The following CACNA2D3 variants were observed in gnomAD, a reference collection of about 807,000 sequenced individuals.
CACNA2D3 encodes calcium voltage-gated channel auxiliary subunit alpha2delta 3.
Under a neutral mutation model 160.6 loss-of-function variants are expected in CACNA2D3, and 60 were observed. The observed-to-expected ratio is 0.37, with a 90% confidence interval of 0.30 to 0.46. The LOEUF (loss-of-function observed/expected upper bound fraction) is 0.46. CACNA2D3 is among the 20% of genes least tolerant of loss of function. The pLI is 1.00. For synonymous variants in CACNA2D3, 558 were observed against 492.9 expected (o/e 1.13, Z -1.75); for missense variants, 1,205 against 1,365.0 (o/e 0.88, Z 1.85).
At chr3:54,796,266 C>G (rs1328449732) in intron 13 of CACNA2D3, among the ~76,000 whole-genome samples, 2 of 152,186 alleles carry the variant, frequency 1.3e-5, no homozygotes, top group African/African-American at 4.8e-5. Context: ...GAGTCAGTCT[C>G]AGTGTCCTCA....
chr3:54,293,721 T>G (rs999547631), intron 2 of CACNA2D3, among the ~76,000 whole-genome samples: 1 of 152,166 alleles, frequency 6.6e-6, no homozygotes, highest in Non-Finnish European at 1.5e-5. Context: ...TTTATTTTTA[T>G]TTATATGACA....
intron 21 of CACNA2D3, among the ~76,000 whole-genome samples, chr3:54,881,424 C>A (rs1699793130): frequency 6.6e-6 from 1 of 152,126 alleles, no homozygotes; most frequent in African/African-American, 2.4e-5. Context: ...CTTGAAGTTC[C>A]CAGACCCTCT....
intron 2 of CACNA2D3, among the ~76,000 whole-genome samples, chr3:54,153,084 A>G (rs942573017): frequency 2.0e-5 from 3 of 152,280 alleles, no homozygotes; most frequent in East Asian, 1.9e-4. Context: ...ATTCTTCTAT[A>G]TTGAGGACCC....
chr3:54,308,912 A>G (rs936974725), intron 2 of CACNA2D3, among the ~76,000 whole-genome samples: 2 of 152,224 alleles, frequency 1.3e-5, no homozygotes, highest in Non-Finnish European at 2.9e-5. Flanking sequence ...GCAGAAAGCA[A>G]TCTATATGAA....
At chr3:54,934,560 G>A (rs1489532241) in intron 27 of CACNA2D3, among the ~76,000 whole-genome samples, 1 of 152,162 alleles carries the variant, frequency 6.6e-6, no homozygotes, top group Non-Finnish European at 1.5e-5. Flanking sequence ...GGTTTGAAAT[G>A]TATGCCTCCA....
At chr3:54,687,546 A>G (rs1325651562) in intron 11 of CACNA2D3, among the ~76,000 whole-genome samples, 1 of 152,138 alleles carries the variant, frequency 6.6e-6, no homozygotes, top group African/African-American at 2.4e-5. Flanking sequence ...TGATCTTCTG[A>G]AAGCTAGGTG....
rs561033219 is a variant in CACNA2D3, at chr3:54,880,873, T to G, written c.1912+10T>G. 1.9e-6 allele frequency: 3 copies of G among 1,612,204 alleles called. No individual in the cohort carries two copies. In the East Asian group the frequency reaches 6.7e-5, roughly 36 times the overall value. On this transcript the variant is annotated intron_variant, in intron 21 of 37. Coordinates refer to ENST00000474759, the MANE Select transcript of CACNA2D3 (RefSeq NM_018398.3). ...GTAACCATCGAAGAAGGTAAGATACTGCCTGGCTCGTCTTATCCTTTGGTG... is the reference window on the plus strand; with the variant it reads ...GTAACCATCGAAGAAGGTAAGATACGGCCTGGCTCGTCTTATCCTTTGGTG...
chr3:54,618,129 A>G (rs28627992), intron 9 of CACNA2D3, among the ~76,000 whole-genome samples: 120 of 151,888 alleles, frequency 7.9e-4, no homozygotes, highest in African/African-American at 2.7e-3. Flanking sequence ...TGTCTACATT[A>G]TCTTATTAAG....
At chr3:54,763,777 G>A (rs374667992) in intron 12 of CACNA2D3, among the ~76,000 whole-genome samples, 1,013 of 13,978 alleles carry the variant, frequency 0.072, 174 homozygotes, top group Non-Finnish European at 0.12. Flanking sequence ...ATGTATATAT[G>A]TACATATATA....
intron 27 of CACNA2D3, among the ~76,000 whole-genome samples, chr3:54,951,301 G>T (rs1422057082): frequency 2.0e-5 from 3 of 152,204 alleles, no homozygotes; most frequent in Admixed American, 6.5e-5. Context: ...TAATAGCCAA[G>T]CCGCAGACAA....
chr3:54,594,586 G>A (rs1215647701), intron 9 of CACNA2D3, among the ~76,000 whole-genome samples: 2 of 152,138 alleles, frequency 1.3e-5, no homozygotes, highest in African/African-American at 4.8e-5. Context: ...TCTTTCCTTA[G>A]ACTGTCTACC....
At chr3:54,380,244 G>T (rs536017523) in intron 3 of CACNA2D3, among the ~76,000 whole-genome samples, 1 of 152,128 alleles carries the variant, frequency 6.6e-6, no homozygotes, top group Admixed American at 6.5e-5. Context: ...CCTTAATGAG[G>T]GTAGAGATTT....
chr3:54,888,337 G>A (rs1043331798), intron 24 of CACNA2D3, among the ~76,000 whole-genome samples: 2 of 152,134 alleles, frequency 1.3e-5, no homozygotes, highest in African/African-American at 2.4e-5. Context: ...AGGGAACTTC[G>A]TTGCCTGCCT....
intron 4 of CACNA2D3, among the ~76,000 whole-genome samples, chr3:54,460,010 G>A (rs1157316900): frequency 6.6e-6 from 1 of 151,976 alleles, no homozygotes; most frequent in Non-Finnish European, 1.5e-5. Context: ...AGTTTTCCCA[G>A]CACCATTTAT....
chr3:54,359,891 G>A (rs1698712813), intron 3 of CACNA2D3, among the ~76,000 whole-genome samples: 1 of 152,180 alleles, frequency 6.6e-6, no homozygotes, highest in Non-Finnish European at 1.5e-5. Flanking sequence ...TCTAAGGTTT[G>A]GCAAAGAGAG....
chr3:54,886,078 TAGGAAA>T (rs1559617166), intron 23 of CACNA2D3, among the ~76,000 whole-genome samples: 1 of 151,636 alleles, frequency 6.6e-6, no homozygotes, highest in Non-Finnish European at 1.5e-5. Flanking sequence ...GTTCAGTGAG[TAGGAAA>T]TCTCTCAGCT....
chr3:54,604,977 G>A (rs1241482901), intron 9 of CACNA2D3, among the ~76,000 whole-genome samples: 2 of 152,178 alleles, frequency 1.3e-5, no homozygotes, highest in Non-Finnish European at 2.9e-5. Context: ...CTGACAGTCT[G>A]AAAATCAAAT....
intron 3 of CACNA2D3, among the ~76,000 whole-genome samples, chr3:54,363,175 T>C (rs1398074615): frequency 6.6e-6 from 1 of 151,306 alleles, no homozygotes; most frequent in East Asian, 2.0e-4. Context: ...AGCCTAGCGA[T>C]AGAGCGAGAC....
At chr3:54,719,933 G>C (rs1381778825) in intron 11 of CACNA2D3, among the ~76,000 whole-genome samples, 2 of 151,914 alleles carry the variant, frequency 1.3e-5, no homozygotes, top group Non-Finnish European at 2.9e-5. Flanking sequence ...TTGGCCTAAA[G>C]TTGTTTATAA....
Sources: allele counts gnomAD v4.1 joint callset (sites outside exome capture counted in the v4.1 genomes callset), GRCh38; gene constraint gnomAD v4.1.1; transcripts MANE v1.5; gene names NCBI Gene and HGNC (gene_info 2026-07-23, HGNC 2026-07-21).